Variants in ZNF483 observed in about 807,000 individuals in gnomAD.
ZNF483 encodes zinc finger protein 483.
In ZNF483, 9 loss-of-function variants were observed where a neutral mutation model predicts 28.6. The ratio of observed to expected loss-of-function variants is 0.32; its 90% CI spans 0.19 to 0.55. The LOEUF (loss-of-function observed/expected upper bound fraction) is 0.55, where lower values mean the gene tolerates loss of function less well. Among genes scored for constraint, ZNF483 ranks in the 20% least tolerant of loss-of-function variants. The pLI is 0.93. For synonymous variants in ZNF483, 322 were observed against 306.2 expected, an observed-to-expected ratio of 1.05 and a Z score of -0.54; for missense variants, 675 against 871.7, an observed-to-expected ratio of 0.77 and a Z score of 2.84.
chr9:111,527,203 C>T (rs1589264708), intron 1 of ZNF483, 65 bp from the exon 2 acceptor site: 1 of 520,424 alleles, frequency 1.9e-6, no homozygotes, highest in African/African-American at 1.9e-5. Flanking sequence ...AAACCAAGAA[C>T]GATGTTTTTA....
In ZNF483 at chr9:111,551,078, A is replaced by G. The variant is rs1384066284; in HGVS notation, c.*7908A>G. Among the ~76,000 whole-genome samples, 4 of 152,162 alleles carry G rather than the reference A, an allele frequency of 2.6e-5. No homozygotes were observed. The highest frequency in any genetic ancestry group is 9.7e-5 in the African/African-American group (4 of 41,436). On this transcript the variant is annotated 3_prime_UTR_variant, in exon 6 of 6. Transcript: ENST00000309235. ...AATGTGAGCCACATACATAATTTCAAATTTTCTAGTAGCCACTTTTAGAAA... is the reference window on the plus strand; with the variant it reads ...AATGTGAGCCACATACATAATTTCAGATTTTCTAGTAGCCACTTTTAGAAA...
chr9:111,560,623 A>G (rs996137858), intron 5 of ZNF483, among the ~76,000 whole-genome samples: 24 of 128,582 alleles, frequency 1.9e-4, no homozygotes, highest in African/African-American at 6.6e-4. Context: ...CCTGGGAGAC[A>G]GAGACACCAT....
chr9:111,572,349 C>T (rs1828854702), intron 5 of ZNF483, among the ~76,000 whole-genome samples: 2 of 152,082 alleles, frequency 1.3e-5, no homozygotes, highest in Admixed American at 6.5e-5. Context: ...AATCCCAGCA[C>T]TTTGGAAGAC....
downstream of ZNF483, chr9:111,577,941 C>G (rs1358784207): frequency 4.6e-5 from 7 of 152,072 alleles, no homozygotes; most frequent in African/African-American, 1.7e-4. Context: ...TCATAAGAGA[C>G]CACTTTTAGT....
In ZNF483 at chr9:111,546,995, G is replaced by A. The variant is rs1382944170; in HGVS notation, c.*3825G>A. On this transcript the variant is annotated 3_prime_UTR_variant, in exon 6 of 6. Coordinates refer to ENST00000309235, the MANE Select transcript of ZNF483 (RefSeq NM_133464.5). Reference sequence around the variant, plus strand: ...AGCATTATGTTTTCAAGGTTCGGCCGTGTTGTAGCACATATCAGAATTTAA... The same window carrying A: ...AGCATTATGTTTTCAAGGTTCGGCCATGTTGTAGCACATATCAGAATTTAA... 6.6e-6 allele frequency among the ~76,000 whole-genome samples: 1 copy of A among 152,112 alleles called. No homozygotes were observed.
intron 5 of ZNF483, among the ~76,000 whole-genome samples, chr9:111,572,215 G>T (rs945069587): frequency 6.6e-6 from 1 of 152,210 alleles, no homozygotes. Flanking sequence ...TAATGCAAGA[G>T]AATGAGACAG....
At position 111,552,431 on chromosome 9, in the gene ZNF483, G is replaced by A. The variant is rs761616745; in HGVS notation, c.*9261G>A. Reference sequence around the variant, plus strand: ...CACAAATATTTTCAGTATGTATCATGCAATAGAATAGAGCAATGAGGGAAA... The same window carrying A: ...CACAAATATTTTCAGTATGTATCATACAATAGAATAGAGCAATGAGGGAAA... On this transcript the variant is annotated 3_prime_UTR_variant, in exon 6 of 6. Coordinates refer to ENST00000309235, the MANE Select transcript of ZNF483 (RefSeq NM_133464.5). 3.0e-4 allele frequency among the ~76,000 whole-genome samples: 46 copies of A among 152,260 alleles called. No individual in the cohort carries two copies. The Middle Eastern group carries it at 0.017, about 56-fold the overall frequency.
In ZNF483 at chr9:111,554,389, C is replaced by T. The variant is rs1277868407; in HGVS notation, c.*11219C>T. Among the ~76,000 whole-genome samples, 5 of 152,122 alleles carry T rather than the reference C, an allele frequency of 3.3e-5. No homozygotes were observed. Among genetic ancestry groups the T allele is most frequent in the Non-Finnish European group, 7.4e-5 (5 of 68,000 alleles). ...AAAGGGAGGCTTGAAATACAGCTTT[C>T]CCCTCATTGTGGTGAGCACATAGAT... On this transcript the variant is annotated 3_prime_UTR_variant, in exon 6 of 6. Coordinates refer to ENST00000309235, the MANE Select transcript of ZNF483 (RefSeq NM_133464.5).
chr9:111,559,311 G>A (rs527942350), downstream of ZNF483, among the ~76,000 whole-genome samples: 13 of 152,086 alleles, frequency 8.5e-5, no homozygotes, highest in African/African-American at 2.4e-4. Flanking sequence ...CCCCAGGCAC[G>A]ATGCCCTCCA....
At chr9:111,575,626 G>A (rs1829023037) in intron 5 of ZNF483, among the ~76,000 whole-genome samples, 1 of 152,200 alleles carries the variant, frequency 6.6e-6, no homozygotes, top group Non-Finnish European at 1.5e-5. Flanking sequence ...TTCTACAGAA[G>A]TGCTAAAGCA....
chr9:111,576,078 T>C lies in ZNF483; in HGVS notation c.722-287T>C, dbSNP rs555139875. 3.3e-5 allele frequency among the ~76,000 whole-genome samples: 5 copies of C among 152,018 alleles called. No homozygotes were observed. In the East Asian group the frequency reaches 7.7e-4, roughly 24 times the overall value. ...GGGAGGCTGAGGCAGGAGGTTGGCTTGAACCTGGGAGGTCAAGGCTGCAGT... is the reference window on the plus strand; with the variant it reads ...GGGAGGCTGAGGCAGGAGGTTGGCTCGAACCTGGGAGGTCAAGGCTGCAGT... On this transcript the variant is annotated intron_variant, in intron 5 of 5. Coordinates refer to the ZNF483 transcript ENST00000358151.
chr9:111,563,243 C>G (rs775714543), intron 5 of ZNF483: 2 of 1,605,508 alleles, frequency 1.2e-6, no homozygotes, highest in African/African-American at 2.7e-5. Context: ...TGTATCAAAG[C>G]AACAACAAAT....
At position 111,546,539 on chromosome 9, in the gene ZNF483, A is replaced by G. The variant is rs1370186110; in HGVS notation, c.*3369A>G. On this transcript the variant is annotated 3_prime_UTR_variant, in exon 6 of 6. Transcript: ENST00000309235. ...TATGAAGAGCACTGTGACACATTTT[A>G]CTTTAAAATGAAGTCCTTGCTTTAA... is the stretch of plus-strand genomic sequence containing the variant. Among the ~76,000 whole-genome samples the G allele has an allele frequency of 6.6e-6, 1 of 152,172 alleles. No homozygotes were observed. The highest frequency in any genetic ancestry group is 1.5e-5 in the Non-Finnish European group (1 of 68,012).
chr9:111,553,272 G>A lies in ZNF483; in HGVS notation c.*10102G>A, dbSNP rs1287016875. Among the ~76,000 whole-genome samples the A allele has an allele frequency of 6.6e-6, 1 of 152,102 alleles. No homozygotes were observed. Among genetic ancestry groups the A allele is most frequent in the Non-Finnish European group, 1.5e-5 (1 of 68,028 alleles). ...TTCATCATTAAATGTGCACTATACT[G>A]TCTCTAGTCTTCTTGACTATGCCAG... On this transcript the variant is annotated 3_prime_UTR_variant, in exon 6 of 6. Transcript: ENST00000309235.
chr9:111,534,145 G>C lies in ZNF483; in HGVS notation c.629-116G>C, dbSNP rs1361798247. 6 of 906,750 alleles carry C rather than the reference G, an allele frequency of 6.6e-6. No homozygotes were observed. The East Asian group carries it at 9.7e-5, about 15-fold the overall frequency. The allele number at this position is 906,750 out of a possible 1,614,324, so 56.2% of individuals were successfully genotyped here. ...GTCTCAAGTTCCAGTATTTATGTCTGTGTATTTTGGTAGCATGTTTTTATC... is the reference window on the plus strand; with the variant it reads ...GTCTCAAGTTCCAGTATTTATGTCTCTGTATTTTGGTAGCATGTTTTTATC... On this transcript the variant is annotated intron_variant, in intron 4 of 5. Coordinates refer to ENST00000309235, the MANE Select transcript of ZNF483 (RefSeq NM_133464.5).
Position 111,527,419 on chromosome 9 carries a change from C to A in ZNF483, c.24C>A (p.Asn8Lys). MQAVVPL[N>K]KMTAISPEPQ... ...CAATGCAAGCTGTAGTGCCCTTGAA[C>A]AAGATGACAGCCATCTCACCAGAAC... is the stretch of plus-strand genomic sequence containing the variant. Residue 8 changes from asparagine (N) to lysine (K), a missense_variant, in exon 2 of 6, where the codon AAC (asparagine) becomes AAA (lysine). Physicochemically the swap from Asn to Lys is moderately conservative, Grantham distance 94. Coordinates refer to ENST00000309235, the MANE Select transcript of ZNF483 (RefSeq NM_133464.5). 6.2e-7 allele frequency: 1 copy of A among 1,613,730 alleles called. No homozygotes were observed. Among genetic ancestry groups the A allele is most frequent in the South Asian group, 1.1e-5 (1 of 91,052 alleles).
chr9:111,526,660 T>C (rs1189723954), intron 1 of ZNF483, among the ~76,000 whole-genome samples: 3 of 152,190 alleles, frequency 2.0e-5, no homozygotes, highest in Admixed American at 2.0e-4. Context: ...GTGTGCCCTT[T>C]CATTAAGAAA....
chr9:111,560,659 A>AAC, intron 5 of ZNF483, among the ~76,000 whole-genome samples: 1 of 143,812 alleles, frequency 7.0e-6, no homozygotes, highest in East Asian at 2.1e-4. Context: ...AAAAAAAAAA[A>AAC]GGCACCACGC....
chr9:111,534,157 A>C (rs1827419552), intron 4 of ZNF483, 104 bp from the exon 5 acceptor site: 1 of 995,750 alleles, frequency 1.0e-6, no homozygotes. Context: ...GTATTTTGGT[A>C]GCATGTTTTT....
Sources: allele counts gnomAD v4.1 joint callset (sites outside exome capture counted in the v4.1 genomes callset), GRCh38; gene constraint gnomAD v4.1.1; transcripts MANE v1.5; gene names NCBI Gene and HGNC (gene_info 2026-07-23, HGNC 2026-07-21).